The following SINHCAF variants were observed in gnomAD, a reference collection of about 807,000 sequenced individuals.
SINHCAF encodes the protein SIN3-HDAC complex-associated factor.
In SINHCAF, 3 loss-of-function variants were observed where a neutral mutation model predicts 25.8. That is an observed-to-expected ratio of 0.12 (90% CI 0.05 to 0.30). SINHCAF has a LOEUF of 0.30. Ranked by LOEUF, SINHCAF falls within the 10% of genes least tolerant of loss-of-function variation. The pLI is 1.00. For synonymous variants in SINHCAF, 70 were observed against 85.5 expected, an observed-to-expected ratio of 0.82 and a Z score of 1.00; for missense variants, 121 against 262.3, an observed-to-expected ratio of 0.46 and a Z score of 3.72.
chr12:31,309,451 G>A (rs1305724445), intron 1 of SINHCAF, among the ~76,000 whole-genome samples: 1 of 152,158 alleles, frequency 6.6e-6, no homozygotes, highest in Non-Finnish European at 1.5e-5. Flanking sequence ...ACCTTTATTG[G>A]AGTAGCTGAG....
intron 1 of SINHCAF, among the ~76,000 whole-genome samples, chr12:31,317,032 G>T (rs1383392897): frequency 1.3e-5 from 2 of 152,090 alleles, no homozygotes; most frequent in Admixed American, 1.3e-4. Flanking sequence ...CCACTTTCTA[G>T]ATTCCTTCTT....
At chr12:31,315,483 T>C (rs1211538619) in intron 1 of SINHCAF, among the ~76,000 whole-genome samples, 2 of 152,372 alleles carry the variant, frequency 1.3e-5, no homozygotes, top group Non-Finnish European at 1.5e-5. Context: ...TTTTATCTTT[T>C]CTTCTGACAC....
chr12:31,322,497 T>C (rs1939736181), intron 1 of SINHCAF, among the ~76,000 whole-genome samples: 1 of 152,234 alleles, frequency 6.6e-6, no homozygotes, highest in South Asian at 2.1e-4. Context: ...TGTACTAATA[T>C]AGGTTGCCTT....
At chr12:31,305,351 T>G (rs551070193) in intron 1 of SINHCAF, among the ~76,000 whole-genome samples, 216 of 152,328 alleles carry the variant, frequency 1.4e-3, no homozygotes, top group Middle Eastern at 0.014. Flanking sequence ...TGGCTTTTCA[T>G]GAGCTGGTGA....
chr12:31,285,414 T>TACACACAC (rs1258167143), intron 5 of SINHCAF, among the ~76,000 whole-genome samples: 1,878 of 43,896 alleles, frequency 0.043, 54 homozygotes, highest in African/African-American at 0.13. Flanking sequence ...TTTATATATA[T>TACACACAC]ACATACACAC....
At chr12:31,293,298 A>C (rs999346660) in intron 4 of SINHCAF, among the ~76,000 whole-genome samples, 1 of 152,222 alleles carries the variant, frequency 6.6e-6, no homozygotes, top group African/African-American at 2.4e-5. Context: ...CCTGACATTA[A>C]TTAATTAGAC....
At chr12:31,292,592 AG>A (rs1232312813) in intron 4 of SINHCAF, among the ~76,000 whole-genome samples, 8 of 152,152 alleles carry the variant, frequency 5.3e-5, no homozygotes, top group Admixed American at 6.5e-5. Context: ...TGGTTAGGAA[AG>A]GTAAGTGTAT....
At chr12:31,309,569 G>A (rs1939177688) in intron 1 of SINHCAF, among the ~76,000 whole-genome samples, 1 of 151,932 alleles carries the variant, frequency 6.6e-6, no homozygotes, top group Non-Finnish European at 1.5e-5. Flanking sequence ...TTTAAAAGGA[G>A]CCTTATGGTT....
chr12:31,298,336 G>A, intron 1 of SINHCAF, 112 bp from the exon 2 acceptor site: 1 of 1,266,214 alleles, frequency 7.9e-7, no homozygotes, highest in Non-Finnish European at 1.1e-6. Context: ...ATATGACCAA[G>A]ACAGGCAGGC....
intron 5 of SINHCAF, among the ~76,000 whole-genome samples, chr12:31,285,424 C>T (rs1037345585): frequency 1.1e-3 from 160 of 145,050 alleles, no homozygotes; most frequent in African/African-American, 3.1e-3. Context: ...TACATACACA[C>T]ACACACACAC....
At chr12:31,308,507 T>G (rs1291980952) in intron 1 of SINHCAF, among the ~76,000 whole-genome samples, 3 of 152,178 alleles carry the variant, frequency 2.0e-5, no homozygotes, top group Admixed American at 2.0e-4. Context: ...CATGTTTGAC[T>G]TGAGAAAGAC....
intron 1 of SINHCAF, among the ~76,000 whole-genome samples, chr12:31,300,550 GA>G (rs1282002609): frequency 6.6e-6 from 1 of 152,190 alleles, no homozygotes; most frequent in Non-Finnish European, 1.5e-5. Context: ...AAAAGATCTA[GA>G]GAGGCCTGCT....
At chr12:31,289,699 C>T (rs1417078392) in intron 4 of SINHCAF, among the ~76,000 whole-genome samples, 1 of 152,164 alleles carries the variant, frequency 6.6e-6, no homozygotes, top group Non-Finnish European at 1.5e-5. Context: ...CAGAGCAATC[C>T]TTCCATTCAG....
At chr12:31,286,695 G>A (rs1346734481) in intron 5 of SINHCAF, among the ~76,000 whole-genome samples, 1 of 151,600 alleles carries the variant, frequency 6.6e-6, no homozygotes, top group African/African-American at 2.4e-5. Context: ...CTGTCAATGT[G>A]GTAAATTATA....
intron 1 of SINHCAF, among the ~76,000 whole-genome samples, chr12:31,301,043 C>T (rs574092217): frequency 6.6e-6 from 1 of 152,330 alleles, no homozygotes; most frequent in Non-Finnish European, 1.5e-5. Context: ...AAGCTATCAG[C>T]ATTCAGCTCA....
chr12:31,287,429 T>C (rs1006475305), intron 5 of SINHCAF, among the ~76,000 whole-genome samples: 2 of 152,226 alleles, frequency 1.3e-5, no homozygotes, highest in East Asian at 1.9e-4. Context: ...GCAATGTAGG[T>C]ACCTTGATGT....
chr12:31,317,571 T>A (rs1320844667), intron 1 of SINHCAF, among the ~76,000 whole-genome samples: 1 of 151,890 alleles, frequency 6.6e-6, no homozygotes, highest in Non-Finnish European at 1.5e-5. Context: ...CTCTGAGGAG[T>A]ACAAGCATAA....
At chr12:31,317,244 C>G (rs554104631) in intron 1 of SINHCAF, among the ~76,000 whole-genome samples, 1 of 152,252 alleles carries the variant, frequency 6.6e-6, no homozygotes, top group South Asian at 2.1e-4. Flanking sequence ...GGAACAACCT[C>G]CCAAATGAAA....
At position 31,324,073 on chromosome 12, in the gene SINHCAF, T is replaced by C; in HGVS notation, c.-21+1951A>G. ...CATCTCGCGTCGGGAGGAAAGTTCC[T>C]GCGGGGGCCGCTCGCCGGGGCGAGG... is the stretch of plus-strand genomic sequence containing the variant. On this transcript the variant is annotated intron_variant, in intron 1 of 5. Transcript: ENST00000337682. The surrounding 1 kb of genome is among the most constrained non-coding windows in gnomAD (Gnocchi z 5.5). 1 of 454,010 alleles carries C rather than the reference T, an allele frequency of 2.2e-6. No homozygotes were observed. Among genetic ancestry groups the C allele is most frequent in the South Asian group, 1.6e-5 (1 of 64,464 alleles). The allele number at this position is 454,010 out of a possible 1,614,324, so 28.1% of individuals were successfully genotyped here.
Sources: allele counts gnomAD v4.1 joint callset (sites outside exome capture counted in the v4.1 genomes callset), GRCh38; gene constraint gnomAD v4.1.1; non-coding constraint Gnocchi (gnomAD v3.1); transcripts MANE v1.5; gene names NCBI Gene and HGNC (gene_info 2026-07-23, HGNC 2026-07-21).